Variants in TUNAR observed in about 807,000 individuals in gnomAD.
The protein encoded by TUNAR is transmembrane neural differentiation associated intracellular calcium regulator.
intron 2 of TUNAR, among the ~76,000 whole-genome samples, chr14:95,909,282 CT>C (rs3044246): frequency 0.026 from 3,324 of 125,902 alleles, 59 homozygotes; most frequent in East Asian, 0.11. Flanking sequence ...GCTGCCATCT[CT>C]TTTTTTTTTT....
chr14:95,923,212 A>C (rs1889726150), exon 3 of TUNAR: 1 of 342,334 alleles, frequency 2.9e-6, no homozygotes, highest in Middle Eastern at 7.6e-4. Context: ...CGTCTTTGGC[A>C]GGGGGCCCAG....
At chr14:95,905,118 A>C (rs1295429165) in intron 2 of TUNAR, among the ~76,000 whole-genome samples, 2 of 152,156 alleles carry the variant, frequency 1.3e-5, no homozygotes, top group Non-Finnish European at 2.9e-5. Flanking sequence ...GGACTTAAAC[A>C]TTACCTCTTT....
intron 2 of TUNAR, among the ~76,000 whole-genome samples, chr14:95,909,352 C>T (rs1323902038): frequency 6.8e-6 from 1 of 146,592 alleles, no homozygotes; most frequent in Non-Finnish European, 1.5e-5. Flanking sequence ...GGCACGATCT[C>T]GGCTCACTAC....
At chr14:95,878,517 TG>T (rs1888925642) in intron 2 of TUNAR, among the ~76,000 whole-genome samples, 1 of 151,974 alleles carries the variant, frequency 6.6e-6, no homozygotes, top group Non-Finnish European at 1.5e-5. Flanking sequence ...AAGGGTGGAC[TG>T]ACCAGCCCTT....
intron 2 of TUNAR, among the ~76,000 whole-genome samples, chr14:95,885,372 A>G (rs1397465264): frequency 6.6e-6 from 1 of 152,200 alleles, no homozygotes; most frequent in Admixed American, 6.5e-5. Flanking sequence ...ACAGTTGGGG[A>G]AAACGTGTTA....
At chr14:95,877,563 G>A (rs903649730) in intron 2 of TUNAR, among the ~76,000 whole-genome samples, 1 of 152,156 alleles carries the variant, frequency 6.6e-6, no homozygotes, top group African/African-American at 2.4e-5. Context: ...TTTCTCCTTG[G>A]CCCAGATGAG....
At chr14:95,889,910 C>A (rs17093533) in intron 2 of TUNAR, among the ~76,000 whole-genome samples, 1 of 146,876 alleles carries the variant, frequency 6.8e-6, no homozygotes, top group Non-Finnish European at 1.5e-5. Flanking sequence ...GAGCATTTCA[C>A]GAGGCCTACC....
In TUNAR at chr14:95,876,828, C is replaced by G. The variant is rs1888889257; in HGVS notation, c.-306-32C>G. On this transcript the variant is annotated intron_variant, in intron 1 of 2. Transcript: ENST00000678517. ...AGCTCTGCGCGTTCTCATGCTGTCTCTCTCTCTTTCCCTCCGCGCTGCCTC... is the reference window on the plus strand; with the variant it reads ...AGCTCTGCGCGTTCTCATGCTGTCTGTCTCTCTTTCCCTCCGCGCTGCCTC... 1 of 152,232 alleles carries G rather than the reference C, an allele frequency of 6.6e-6. No homozygotes were observed. The highest frequency in any genetic ancestry group is 2.1e-4 in the South Asian group (1 of 4,838). The allele number at this position is 152,232 out of a possible 1,614,324, so 9.4% of individuals were successfully genotyped here. A position where few individuals can be genotyped will look rare whatever the true frequency, so the allele number is the denominator to read the frequency against.
intron 2 of TUNAR, among the ~76,000 whole-genome samples, chr14:95,921,088 G>C (rs1314171083): frequency 6.6e-6 from 1 of 152,174 alleles, no homozygotes; most frequent in African/African-American, 2.4e-5. Flanking sequence ...GCAGGCAGGA[G>C]GAATTTGGGG....
rs75408910 is a variant in TUNAR at position 95,917,502 on chromosome 14, T to G, written c.13-5279T>G. The stretch of plus-strand genomic sequence containing the variant: ...GCTCTTTGATATACATTTTAGAACC[T>G]ACTTGTCAAATATCACCAAAAACCC... On this transcript the variant is annotated intron_variant, in intron 2 of 2. Coordinates refer to ENST00000678517, the Ensembl canonical transcript of TUNAR. Among the ~76,000 whole-genome samples, 1,310 of 152,328 alleles carry G rather than the reference T, an allele frequency of 8.6e-3. 17 individuals carry two copies. The highest frequency in any genetic ancestry group is 0.03 in the African/African-American group (1,260 of 41,568).
At chr14:95,882,771 A>G (rs974956440) in intron 2 of TUNAR, among the ~76,000 whole-genome samples, 2 of 152,128 alleles carry the variant, frequency 1.3e-5, no homozygotes, top group East Asian at 1.9e-4. Context: ...AACCTGCCAC[A>G]TTTCTCCGCC....
intron 2 of TUNAR, among the ~76,000 whole-genome samples, chr14:95,892,281 C>T (rs1889191882): frequency 6.6e-6 from 1 of 152,250 alleles, no homozygotes; most frequent in Admixed American, 6.5e-5. Context: ...CCAGTAGGGG[C>T]TGTGCTCATG....
chr14:95,899,967 A>G (rs1166758789), intron 2 of TUNAR, among the ~76,000 whole-genome samples: 1 of 152,230 alleles, frequency 6.6e-6, no homozygotes, highest in Non-Finnish European at 1.5e-5. Flanking sequence ...ACTTTCTCCT[A>G]TAGAATATTC....
intron 2 of TUNAR, among the ~76,000 whole-genome samples, chr14:95,907,468 C>T (rs1889444688): frequency 6.6e-6 from 1 of 152,164 alleles, no homozygotes; most frequent in African/African-American, 2.4e-5. Context: ...GGGGGTATTG[C>T]TACTCTTCTT....
intron 2 of TUNAR, among the ~76,000 whole-genome samples, chr14:95,879,862 T>C (rs1888950054): frequency 6.6e-6 from 1 of 152,220 alleles, no homozygotes; most frequent in South Asian, 2.1e-4. Context: ...ACATTTCCCT[T>C]GTTTGCTTAC....
intron 2 of TUNAR, among the ~76,000 whole-genome samples, chr14:95,908,421 G>A (rs1889459042): frequency 6.6e-6 from 1 of 152,194 alleles, no homozygotes; most frequent in South Asian, 2.1e-4. Context: ...ACCAGGCAAC[G>A]ATCTGTCAGG....
intron 2 of TUNAR, among the ~76,000 whole-genome samples, chr14:95,898,402 T>C (rs570869357): frequency 1.3e-4 from 20 of 152,336 alleles, no homozygotes; most frequent in Non-Finnish European, 2.8e-4. Flanking sequence ...AGTGGCCCCC[T>C]TTCATCTGAA....
intron 2 of TUNAR, among the ~76,000 whole-genome samples, chr14:95,892,174 G>C (rs1429564421): frequency 6.6e-6 from 1 of 152,188 alleles, no homozygotes; most frequent in Non-Finnish European, 1.5e-5. Flanking sequence ...GGGGGCCCCT[G>C]GTGGACCACA....
intron 2 of TUNAR, among the ~76,000 whole-genome samples, chr14:95,877,466 C>T (rs150009309): frequency 3.7e-4 from 57 of 152,266 alleles, no homozygotes; most frequent in African/African-American, 1.3e-3. Flanking sequence ...TCAGACTTAG[C>T]ATTTGGGGGC....
Sources: allele counts gnomAD v4.1 joint callset (sites outside exome capture counted in the v4.1 genomes callset), GRCh38; gene constraint gnomAD v4.1.1; transcripts MANE v1.5; gene names NCBI Gene and HGNC (gene_info 2026-07-23, HGNC 2026-07-21).